Variants in VMP1 observed in about 807,000 individuals in gnomAD.
The protein encoded by VMP1 is ectopic P-granules autophagy protein 3 homolog.
In VMP1, 11 loss-of-function variants were observed where a neutral mutation model predicts 56.0. The observed-to-expected ratio is 0.20, with a 90% confidence interval of 0.12 to 0.32. VMP1 has a LOEUF of 0.32. Ranked by LOEUF, VMP1 falls within the 10% of genes least tolerant of loss-of-function variation. The pLI, the probability that VMP1 is intolerant of heterozygous loss-of-function variation, is 1.00. For missense variants in VMP1, 296 were observed against 490.3 expected, an observed-to-expected ratio of 0.60 and a Z score of 3.74; for synonymous variants, 149 against 165.0, an observed-to-expected ratio of 0.90 and a Z score of 0.74.
chr17:59,710,021 C>A (rs889550758), intron 1 of VMP1, among the ~76,000 whole-genome samples: 3 of 152,080 alleles, frequency 2.0e-5, no homozygotes, highest in Admixed American at 2.0e-4. Context: ...TACAGTGAAA[C>A]CCTGTCTCTA....
intron 8 of VMP1, among the ~76,000 whole-genome samples, chr17:59,809,159 C>A (rs2037955304): frequency 6.6e-6 from 1 of 151,550 alleles, no homozygotes; most frequent in Non-Finnish European, 1.5e-5. Flanking sequence ...ACCCCCACGC[C>A]TGGCTAATTT....
At chr17:59,795,061 G>C (rs933051372) in intron 7 of VMP1, among the ~76,000 whole-genome samples, 17 of 144,004 alleles carry the variant, frequency 1.2e-4, no homozygotes, top group Admixed American at 2.2e-4. Flanking sequence ...GTAATGGCGT[G>C]ATCTTGGCTC....
chr17:59,784,522 T>C (rs1470943265), intron 7 of VMP1, among the ~76,000 whole-genome samples: 1 of 152,164 alleles, frequency 6.6e-6, no homozygotes, highest in Non-Finnish European at 1.5e-5. Flanking sequence ...TTTAAAACTA[T>C]TTATAGACTT....
chr17:59,773,923 T>C, intron 7 of VMP1, 38 bp downstream of exon 7: 2 of 1,545,294 alleles, frequency 1.3e-6, no homozygotes, highest in Non-Finnish European at 1.7e-6. Flanking sequence ...ACACTTTACT[T>C]CTTCCTAAAG....
chr17:59,729,157 G>A (rs578019809), intron 1 of VMP1, among the ~76,000 whole-genome samples: 8 of 152,108 alleles, frequency 5.3e-5, no homozygotes, highest in African/African-American at 1.4e-4. Context: ...ACCATATACC[G>A]TATTTCCTAT....
intron 5 of VMP1, among the ~76,000 whole-genome samples, chr17:59,740,076 C>CAAAAAA (rs912542092): frequency 9.6e-6 from 1 of 104,564 alleles, no homozygotes; most frequent in Non-Finnish European, 2.1e-5. Flanking sequence ...GACTCCGTCT[C>CAAAAAA]AAAAAAAAAA....
At chr17:59,748,875 T>TTTA (rs1417958264) in intron 5 of VMP1, among the ~76,000 whole-genome samples, 36 of 145,918 alleles carry the variant, frequency 2.5e-4, no homozygotes, top group South Asian at 4.3e-4. Context: ...AGTGGATAAA[T>TTTA]TTATTATTAT....
chr17:59,829,053 T>C (rs2144312656), intron 10 of VMP1, among the ~76,000 whole-genome samples: 1 of 152,220 alleles, frequency 6.6e-6, no homozygotes, highest in African/African-American at 2.4e-5. Context: ...GAGGTGAAGG[T>C]TGCAGTGAGC....
In VMP1 at chr17:59,841,816, AT is replaced by A. The variant is rs1258461651; in HGVS notation, c.*1908del. ...GAGGAAAGCAAATACGAATTGTACT[AT>A]TTGTACCAAATCTTTGGGATTCATT... On this transcript the variant is annotated 3_prime_UTR_variant, in exon 12 of 12. Coordinates refer to ENST00000262291, the MANE Select transcript of VMP1 (RefSeq NM_030938.5). 6.6e-6 allele frequency: 1 copy of A among 152,152 alleles called. No homozygotes were observed. The highest frequency in any genetic ancestry group is 1.9e-4 in the East Asian group (1 of 5,200). The allele number at this position is 152,152 out of a possible 1,614,324, so 9.4% of individuals were successfully genotyped here. A position where few individuals can be genotyped will look rare whatever the true frequency, so the allele number is the denominator to read the frequency against.
chr17:59,762,638 G>A (rs1452518272), intron 5 of VMP1, among the ~76,000 whole-genome samples: 1 of 152,084 alleles, frequency 6.6e-6, no homozygotes, highest in Non-Finnish European at 1.5e-5. Context: ...TGTTCATTTT[G>A]TCTGGGAACC....
chr17:59,718,822 A>G (rs2034276390), intron 1 of VMP1, among the ~76,000 whole-genome samples: 1 of 152,076 alleles, frequency 6.6e-6, no homozygotes, highest in Admixed American at 6.6e-5. Context: ...GGTGTGAGCC[A>G]TCACACCCAG....
At chr17:59,750,394 TG>T (rs1329340110) in intron 5 of VMP1, among the ~76,000 whole-genome samples, 2 of 151,682 alleles carry the variant, frequency 1.3e-5, no homozygotes, top group African/African-American at 4.9e-5. Flanking sequence ...CTCTGCCTCC[TG>T]GGTTCAGGTG....
chr17:59,744,747 G>T (rs978966099), intron 5 of VMP1, among the ~76,000 whole-genome samples: 2 of 151,418 alleles, frequency 1.3e-5, no homozygotes, highest in Non-Finnish European at 2.9e-5. Context: ...AAATATAAAA[G>T]AAATATAAAG....
At chr17:59,811,967 C>A (rs2038065119) in intron 9 of VMP1, among the ~76,000 whole-genome samples, 181 bp downstream of exon 9, 1 of 151,944 alleles carries the variant, frequency 6.6e-6, no homozygotes. Context: ...TCTTTCTTTT[C>A]TTCTTTCTTC....
chr17:59,758,568 T>A (rs2035931275), intron 5 of VMP1, among the ~76,000 whole-genome samples: 1 of 151,978 alleles, frequency 6.6e-6, no homozygotes, highest in Non-Finnish European at 1.5e-5. Flanking sequence ...CTCACACCAG[T>A]AATCCCAGCA....
At chr17:59,777,470 T>TC (rs2036659954) in intron 7 of VMP1, among the ~76,000 whole-genome samples, 1 of 151,874 alleles carries the variant, frequency 6.6e-6, no homozygotes, top group Non-Finnish European at 1.5e-5. Flanking sequence ...TTTTTTTTTT[T>TC]CCTCTCTAGA....
intron 1 of VMP1, among the ~76,000 whole-genome samples, chr17:59,712,392 A>G (rs886996542): frequency 6.6e-6 from 1 of 152,212 alleles, no homozygotes; most frequent in African/African-American, 2.4e-5. Flanking sequence ...TTAACAGACT[A>G]CATTATCTGT....
chr17:59,826,722 T>A (rs1370957140), intron 10 of VMP1, among the ~76,000 whole-genome samples: 1 of 152,220 alleles, frequency 6.6e-6, no homozygotes, highest in African/African-American at 2.4e-5. Flanking sequence ...AAGAGATGAT[T>A]GAGATAGGAT....
intron 7 of VMP1, among the ~76,000 whole-genome samples, chr17:59,781,735 A>T (rs1251246567): frequency 6.6e-6 from 1 of 152,190 alleles, no homozygotes. Flanking sequence ...AATGCTGAAA[A>T]TACAAATAAA....
Sources: allele counts gnomAD v4.1 joint callset (sites outside exome capture counted in the v4.1 genomes callset), GRCh38; gene constraint gnomAD v4.1.1; transcripts MANE v1.5; gene names NCBI Gene and HGNC (gene_info 2026-07-23, HGNC 2026-07-21).